Variants in BCOR observed in about 807,000 individuals in gnomAD.
BCOR encodes the protein BCL-6 corepressor.
BCOR carries 10 observed loss-of-function variants against 86.7 expected under a neutral mutation model. The ratio of observed to expected loss-of-function variants is 0.12; its 90% CI spans 0.07 to 0.20. BCOR has a LOEUF of 0.20. Ranked by LOEUF, BCOR falls within the 10% of genes least tolerant of loss-of-function variation. The pLI is 1.00. For synonymous variants in BCOR, 611 were observed against 609.0 expected (o/e 1.00, Z -0.05); for missense variants, 1,259 against 1,452.1 (o/e 0.87, Z 2.16).
At chrX:40,170,034 T>C (rs778353040) in intron 1 of BCOR, among the ~76,000 whole-genome samples, 2 of 112,694 alleles carry the variant, frequency 1.8e-5, no homozygotes, top group Non-Finnish European at 3.8e-5. Flanking sequence ...TCACGCTGCC[T>C]GAGCCCATCT....
At chrX:40,147,311 A>G (rs1311358524) in intron 1 of BCOR, among the ~76,000 whole-genome samples, 5 of 112,812 alleles carry the variant, frequency 4.4e-5, no homozygotes, top group Non-Finnish European at 7.5e-5. Context: ...TTAAAACAAA[A>G]CAAAACAAAA....
intron 1 of BCOR, among the ~76,000 whole-genome samples, chrX:40,110,953 T>C (rs1450371386): frequency 1.5e-4 from 17 of 110,041 alleles, no homozygotes; most frequent in Non-Finnish European, 9.5e-5. Context: ...CCTCAGGTGA[T>C]CCACCAGCCA....
At chrX:40,168,167 C>T (rs1266691609) in intron 1 of BCOR, among the ~76,000 whole-genome samples, 1 of 113,179 alleles carries the variant, frequency 8.8e-6, no homozygotes, top group African/African-American at 3.2e-5. Flanking sequence ...TTCCCTGCCC[C>T]CTCTTTTAAA....
chrX:40,068,087 T>C (rs1935289331), intron 6 of BCOR: 1 of 111,859 alleles, frequency 8.9e-6, no homozygotes, highest in Non-Finnish European at 1.9e-5. Flanking sequence ...ACTTTCTCCT[T>C]GCATCATGGT....
At chrX:40,101,469 G>C (rs1014314009), upstream of BCOR, among the ~76,000 whole-genome samples, 48 of 113,192 alleles carry the variant, frequency 4.2e-4, no homozygotes, top group Admixed American at 1.3e-3. Context: ...GAGCAGCGGG[G>C]GCTGCCCCTC....
At position 40,051,787 on chromosome X, in the gene BCOR, A is replaced by C. The variant is rs1245000773; in HGVS notation, c.*322T>G. ...AGAGCTTTGTATGAAATTAAGTCAA[A>C]GTGTGGAGCTCCTTTTACTCATTTT... On this transcript the variant is annotated 3_prime_UTR_variant, in exon 15 of 15. Coordinates refer to ENST00000378444, the MANE Select transcript of BCOR (RefSeq NM_001123385.2). 4.7e-6 allele frequency: 1 copy of C among 214,132 alleles called. No homozygotes were observed. The highest frequency in any genetic ancestry group is 2.9e-5 in the African/African-American group (1 of 33,920). 17.6% of individuals were successfully genotyped at this position (214,132 alleles called of 1,213,427 possible).
At chrX:40,077,525 GCTCCACCTGGGCCCACA>G in intron 2 of BCOR, 1 of 297,342 alleles carries the variant, frequency 3.4e-6, no homozygotes, top group Non-Finnish European at 5.9e-6. Flanking sequence ...ATAGAATGCT[GCTCCACCTGGGCCCACA>G]CTCCTGACAT....
At chrX:40,175,467 C>T (rs890391224) in intron 1 of BCOR, among the ~76,000 whole-genome samples, 7 of 113,441 alleles carry the variant, frequency 6.2e-5, no homozygotes, top group African/African-American at 2.2e-4. Context: ...CGCAACTTTT[C>T]CAACAGAAAG....
chrX:40,112,235 T>A (rs1328747100), intron 1 of BCOR, among the ~76,000 whole-genome samples: 1 of 111,075 alleles, frequency 9.0e-6, no homozygotes, highest in Non-Finnish European at 1.9e-5. Flanking sequence ...CTCCCCTTCC[T>A]CCCCACCAGT....
upstream of BCOR, among the ~76,000 whole-genome samples, chrX:40,098,666 C>A (rs1432193419): frequency 8.9e-6 from 1 of 111,838 alleles, no homozygotes; most frequent in Admixed American, 9.3e-5. Context: ...CCCTCCGAGA[C>A]CCAGCGGAGC....
At chrX:40,175,735 C>T (rs1423265017) in intron 1 of BCOR, among the ~76,000 whole-genome samples, 5 of 112,857 alleles carry the variant, frequency 4.4e-5, no homozygotes, top group Non-Finnish European at 7.5e-5. Flanking sequence ...GCAGGCGGCC[C>T]GAGCGGTCGC....
rs1176576108 is a variant in BCOR at position 40,064,039 on chromosome X, G to C, written c.3503-87C>G. On this transcript the variant is annotated intron_variant, in intron 7 of 14. Coordinates refer to ENST00000378444, the MANE Select transcript of BCOR (RefSeq NM_001123385.2). ...CGCATCACTAATGGGGTGGGGGAGG[G>C]GGGGTGTGGTCACTGGTCTCTGCTT... is the stretch of plus-strand genomic sequence containing the variant. The C allele has an allele frequency of 1.1e-5, 7 of 634,257 alleles. No homozygotes were observed. The South Asian group carries it at 2.0e-4, about 18-fold the overall frequency. The allele number at this position is 634,257 out of a possible 1,213,427, so 52.3% of individuals were successfully genotyped here. A position where few individuals can be genotyped will look rare whatever the true frequency, so the allele number is the denominator to read the frequency against.
At chrX:40,166,998 C>G (rs748437449) in intron 1 of BCOR, among the ~76,000 whole-genome samples, 1 of 111,618 alleles carries the variant, frequency 9.0e-6, no homozygotes, top group South Asian at 3.7e-4. Context: ...TTGAGAAAAT[C>G]AAGTTCAGAG....
intron 11 of BCOR, among the ~76,000 whole-genome samples, chrX:40,056,342 A>G (rs2146908955): frequency 9.4e-6 from 1 of 106,699 alleles, no homozygotes; most frequent in East Asian, 3.0e-4. Flanking sequence ...CAAAGAGATT[A>G]GCAGAGACTC....
intron 2 of BCOR, 114 bp from the exon 3 acceptor site, chrX:40,076,646 A>G: frequency 3.7e-6 from 2 of 538,915 alleles, no homozygotes; most frequent in Admixed American, 2.7e-5. Flanking sequence ...ACTGTCCTTA[A>G]CCCTCCGCCC....
intron 1 of BCOR, among the ~76,000 whole-genome samples, chrX:40,123,372 G>T (rs1376631747): frequency 9.9e-6 from 1 of 100,611 alleles, no homozygotes; most frequent in Non-Finnish European, 2.0e-5. Context: ...TTTTTTTTTT[G>T]AGACAGTTTC....
chrX:40,072,108 C>T (rs1246583698), intron 4 of BCOR: 3 of 431,632 alleles, frequency 7.0e-6, no homozygotes, highest in South Asian at 3.5e-5. Context: ...ATTAAAACAT[C>T]GGTTATCAGC....
chrX:40,134,715 G>A (rs759004397), intron 1 of BCOR, among the ~76,000 whole-genome samples: 2 of 112,082 alleles, frequency 1.8e-5, no homozygotes, highest in African/African-American at 6.5e-5. Flanking sequence ...ACACACCTTT[G>A]GAGCCAGGAG....
chrX:40,074,514 G>A lies in BCOR; in HGVS notation c.832C>T (p.Pro278Ser), dbSNP rs756892588. 5 of 1,207,269 alleles carry A rather than the reference G, an allele frequency of 4.1e-6. No homozygotes were observed. The highest frequency in any genetic ancestry group is 3.0e-5 in the East Asian group (1 of 33,657). ...CTTTTGTCTGCGCAATGGACGAGAG[G>A]CGGGATGGCTGGGGAGGCCGAAGGT... is the stretch of plus-strand genomic sequence containing the variant. Reference protein sequence around the residue: ...STPSASPAIPPLVHCADKSLP... With the variant: ...STPSASPAIPSLVHCADKSLP... Residue 278 changes from proline to serine, a missense_variant, in exon 4 of 15, where the codon CCT becomes TCT. Pro to Ser is a moderately conservative substitution (Grantham distance 74). Transcript: ENST00000378444.
Sources: gnomAD v4.1 joint callset for allele counts (sites outside exome capture counted in the v4.1 genomes callset) on GRCh38, gnomAD v4.1.1 for gene constraint, MANE v1.5 for transcripts, NCBI Gene and HGNC (gene_info 2026-07-23, HGNC 2026-07-21) for gene names.